HACD3: variants seen among roughly 807,000 people sequenced by gnomAD.
HACD3 encodes very-long-chain (3R)-3-hydroxyacyl-CoA dehydratase 3.
HACD3 carries 30 observed loss-of-function variants against 55.2 expected under a neutral mutation model. That is an observed-to-expected ratio of 0.54 (90% CI 0.41 to 0.74). HACD3 has a LOEUF of 0.74. HACD3 is among the 30% of genes least tolerant of loss of function. The pLI is 0.00. For synonymous variants in HACD3, 141 were observed against 151.7 expected, an observed-to-expected ratio of 0.93 and a Z score of 0.52; for missense variants, 363 against 440.1, an observed-to-expected ratio of 0.82 and a Z score of 1.57.
chr15:65,562,422 G>A (rs1349480382), intron 5 of HACD3, among the ~76,000 whole-genome samples: 2 of 152,162 alleles, frequency 1.3e-5, no homozygotes, highest in East Asian at 3.8e-4. Flanking sequence ...AAGGGCTGTG[G>A]GAGTTATAAG....
intron 1 of HACD3, among the ~76,000 whole-genome samples, chr15:65,546,837 C>T (rs139382229): frequency 1.9e-4 from 29 of 152,202 alleles, no homozygotes; most frequent in Admixed American, 1.2e-3. Context: ...TGGGGTTCCC[C>T]GGCAGCCACC....
At chr15:65,561,475 A>AC (rs371344559) in intron 5 of HACD3, among the ~76,000 whole-genome samples, 4 of 152,020 alleles carry the variant, frequency 2.6e-5, no homozygotes, top group African/African-American at 9.7e-5. Context: ...CAAAAAAAAA[A>AC]GAAAAAAAAA....
At chr15:65,557,721 A>G (rs990521867) in intron 4 of HACD3, among the ~76,000 whole-genome samples, 3 of 152,188 alleles carry the variant, frequency 2.0e-5, no homozygotes, top group Non-Finnish European at 4.4e-5. Flanking sequence ...GAGAATAATT[A>G]TGCATGTCTA....
At chr15:65,558,377 C>T (rs182407433) in intron 4 of HACD3, among the ~76,000 whole-genome samples, 128 of 152,336 alleles carry the variant, frequency 8.4e-4, no homozygotes, top group African/African-American at 3.0e-3. Context: ...ATTTCTCTGA[C>T]TGCGACAGAT....
chr15:65,546,132 T>A (rs2072074657), intron 1 of HACD3, among the ~76,000 whole-genome samples: 1 of 152,208 alleles, frequency 6.6e-6, no homozygotes, highest in Admixed American at 6.5e-5. Context: ...TCCAGCCCAA[T>A]ATACTATAGC....
In HACD3 at chr15:65,570,261, T is replaced by C. The variant is rs555288132; in HGVS notation, c.773+58T>C. On this transcript the variant is annotated intron_variant, in intron 8 of 10. Coordinates refer to ENST00000261875, the MANE Select transcript of HACD3 (RefSeq NM_016395.4). ...CTGCTCCCTGTTTGCAGCAGCTCTG[T>C]TCTTGAGGGAGTTGTTATCTTAGCC... 3 of 1,235,280 alleles carry C rather than the reference T, an allele frequency of 2.4e-6. No homozygotes were observed. In the East Asian group the frequency reaches 7.1e-5, roughly 29 times the overall value. 76.5% of individuals were successfully genotyped at this position (1,235,280 alleles called of 1,614,324 possible).
At chr15:65,570,225 G>GTGTTTGAATGCTGCTCCCTGTT (rs2072335050) in intron 8 of HACD3, 22 bp downstream of exon 8, 1 of 1,494,446 alleles carries the variant, frequency 6.7e-7, no homozygotes, top group Non-Finnish European at 9.3e-7. Flanking sequence ...TGCCAGGATG[G>GTGTTTGAATGCTGCTCCCTGTT]TGTTTGAATG....
intron 2 of HACD3, among the ~76,000 whole-genome samples, chr15:65,552,651 T>C (rs1223161291): frequency 6.6e-6 from 1 of 151,790 alleles, no homozygotes; most frequent in Non-Finnish European, 1.5e-5. Flanking sequence ...TTTTTGTTTT[T>C]GTTTTTGTTT....
intron 1 of HACD3, among the ~76,000 whole-genome samples, chr15:65,536,843 A>G (rs983942007): frequency 6.6e-6 from 1 of 152,224 alleles, no homozygotes; most frequent in African/African-American, 2.4e-5. Context: ...GCTAGAAATC[A>G]TTAAGCTTAG....
intron 5 of HACD3, 48 bp from the exon 6 acceptor site, chr15:65,562,726 G>C (rs759014285): frequency 6.3e-7 from 1 of 1,593,456 alleles, no homozygotes; most frequent in Admixed American, 1.8e-5. Context: ...CCTGTCTCCT[G>C]CTGGGACTAT....
chr15:65,569,426 T>C (rs763401804), intron 7 of HACD3, among the ~76,000 whole-genome samples: 1 of 152,094 alleles, frequency 6.6e-6, no homozygotes, highest in Non-Finnish European at 1.5e-5. Context: ...AGAAAAGCCA[T>C]GGGCCAGGCA....
At position 65,577,143 on chromosome 15, in the gene HACD3, C is replaced by CA. The variant is rs1451503907; in HGVS notation, c.*765dup. The CA allele has an allele frequency of 3.3e-5, 5 of 152,152 alleles. No homozygotes were observed. The allele number at this position is 152,152 out of a possible 1,614,324, so 9.4% of individuals were successfully genotyped here. A position where few individuals can be genotyped will look rare whatever the true frequency, so the allele number is the denominator to read the frequency against. On this transcript the variant is annotated 3_prime_UTR_variant, in exon 11 of 11. Coordinates refer to ENST00000261875, the MANE Select transcript of HACD3 (RefSeq NM_016395.4). ...ACAATGAGATTACAAGTTCCAAACTCAGCCAGGAATGTGGCTCACACCTGT... is the reference window on the plus strand; with the variant it reads ...ACAATGAGATTACAAGTTCCAAACTCAAGCCAGGAATGTGGCTCACACCTGT...
chr15:65,552,492 C>A (rs910011451), intron 2 of HACD3, among the ~76,000 whole-genome samples: 2 of 152,014 alleles, frequency 1.3e-5, no homozygotes. Flanking sequence ...TCCGCCACCA[C>A]GTCCAGCTAA....
At chr15:65,574,324 C>T (rs933351336) in intron 10 of HACD3, 6 of 152,112 alleles carry the variant, frequency 3.9e-5, no homozygotes, top group East Asian at 1.9e-4. Context: ...TGCCATAGCC[C>T]GTCTCCATAT....
intron 1 of HACD3, among the ~76,000 whole-genome samples, chr15:65,537,951 AAAAAAAAATATATATATAT>A (rs1335269347): frequency 9.7e-4 from 19 of 19,564 alleles, no homozygotes; most frequent in East Asian, 6.9e-3. Flanking sequence ...AAAAAAAAAA[AAAAAAAAATATATATATAT>A]ATATATATAT....
chr15:65,567,632 T>G (rs566750322), intron 7 of HACD3, among the ~76,000 whole-genome samples: 1 of 152,334 alleles, frequency 6.6e-6, no homozygotes, highest in African/African-American at 2.4e-5. Context: ...AACTAAAATG[T>G]GCAAGCAACC....
intron 8 of HACD3, 49 bp from the exon 9 acceptor site, chr15:65,571,498 AT>A: frequency 7.4e-7 from 1 of 1,346,110 alleles, no homozygotes; most frequent in South Asian, 1.2e-5. Flanking sequence ...CTAAGGTTGC[AT>A]TCGGAACCTG....
chr15:65,552,625 C>T (rs577725619), intron 2 of HACD3, among the ~76,000 whole-genome samples: 6 of 151,806 alleles, frequency 4.0e-5, no homozygotes, highest in African/African-American at 9.7e-5. Context: ...CGTGAGCCAC[C>T]GTGCCTGTTT....
At chr15:65,535,515 A>C (rs1313032041) in intron 1 of HACD3, among the ~76,000 whole-genome samples, 1 of 152,210 alleles carries the variant, frequency 6.6e-6, no homozygotes, top group Non-Finnish European at 1.5e-5. Context: ...TGTGCTTTGC[A>C]GATAATGCGG....
Sources: allele counts gnomAD v4.1 joint callset (sites outside exome capture counted in the v4.1 genomes callset), GRCh38; gene constraint gnomAD v4.1.1; transcripts MANE v1.5; gene names NCBI Gene and HGNC (gene_info 2026-07-23, HGNC 2026-07-21).